Variants in FGFR2 observed in about 807,000 individuals in gnomAD.
The protein encoded by FGFR2 is BEK fibroblast growth factor receptor.
In FGFR2, 19 loss-of-function variants were observed where a neutral mutation model predicts 95.9. The observed-to-expected ratio is 0.20, with a 90% CI of 0.14 to 0.29. The LOEUF is 0.29. Ranked by LOEUF, FGFR2 falls within the 10% of genes least tolerant of loss-of-function variation. FGFR2 has a pLI of 1.00. For synonymous variants in FGFR2, 392 were observed against 393.3 expected (o/e 1.00, Z 0.04); for missense variants, 707 against 1,056.9 (o/e 0.67, Z 4.59).
chr10:121,507,566 C>T lies in FGFR2; in HGVS notation c.1288-3625G>A, dbSNP rs764083151. Among the ~76,000 whole-genome samples, 8 of 151,740 alleles carry T rather than the reference C, an allele frequency of 5.3e-5. No homozygotes were observed. The East Asian group carries it at 5.8e-4, about 11-fold the overall frequency. ...TGGTGCCACTGCACTGCAGTCTGGGCGACAGAGCAAGACTCCATCTCAAAA... is the reference window on the plus strand; with the variant it reads ...TGGTGCCACTGCACTGCAGTCTGGGTGACAGAGCAAGACTCCATCTCAAAA... On this transcript the variant is annotated intron_variant, in intron 9 of 17. Transcript: ENST00000358487.
At chr10:121,575,235 T>A (rs1378038341) in intron 2 of FGFR2, among the ~76,000 whole-genome samples, 6 of 152,176 alleles carry the variant, frequency 3.9e-5, no homozygotes, top group Non-Finnish European at 7.4e-5. Flanking sequence ...AAAATAAAAA[T>A]GCACACAGAG....
At chr10:121,554,448 C>T (rs1855834105) in intron 4 of FGFR2, among the ~76,000 whole-genome samples, 1 of 151,494 alleles carries the variant, frequency 6.6e-6, no homozygotes, top group Non-Finnish European at 1.5e-5. Flanking sequence ...ACGCCATTCT[C>T]CTGCCTCAGC....
intron 6 of FGFR2, among the ~76,000 whole-genome samples, chr10:121,535,406 C>A (rs1475303008): frequency 6.6e-6 from 1 of 152,192 alleles, no homozygotes; most frequent in Admixed American, 6.5e-5. Flanking sequence ...CTAGGGGCCC[C>A]AGGTATGGCC....
At chr10:121,553,885 G>A (rs1026689427) in intron 4 of FGFR2, among the ~76,000 whole-genome samples, 1 of 152,232 alleles carries the variant, frequency 6.6e-6, no homozygotes, top group Non-Finnish European at 1.5e-5. Context: ...CCATGGGTGA[G>A]TCTGTAACAG....
chr10:121,507,046 G>A (rs570934664), intron 9 of FGFR2, among the ~76,000 whole-genome samples: 1 of 152,328 alleles, frequency 6.6e-6, no homozygotes, highest in Non-Finnish European at 1.5e-5. Flanking sequence ...TCTGCTACCA[G>A]GCTAGGTTTT....
At chr10:121,577,178 T>TATATATATATATATAAAGAGAGAGAG in intron 2 of FGFR2, among the ~76,000 whole-genome samples, 1 of 5,214 alleles carries the variant, frequency 1.9e-4, no homozygotes, top group African/African-American at 7.8e-4. Context: ...TATATATATA[T>TATATATATATATATAAAGAGAGAGAG]AGAGAGAGAG....
chr10:121,529,831 C>T (rs567558708), intron 6 of FGFR2, among the ~76,000 whole-genome samples: 1 of 152,336 alleles, frequency 6.6e-6, no homozygotes, highest in South Asian at 2.1e-4. Context: ...GTCACCCTCT[C>T]GACCACATAA....
At chr10:121,576,885 A>AG (rs1371734527) in intron 2 of FGFR2, among the ~76,000 whole-genome samples, 1 of 151,832 alleles carries the variant, frequency 6.6e-6, no homozygotes, top group Admixed American at 6.6e-5. Context: ...CTGTAATCCC[A>AG]GAACTTTGGG....
intron 4 of FGFR2, among the ~76,000 whole-genome samples, chr10:121,560,615 CAA>C (rs34753296): frequency 4.6e-4 from 24 of 51,812 alleles, no homozygotes; most frequent in African/African-American, 1.2e-3. Flanking sequence ...ACTCCGTCCC[CAA>C]AAAAAAAAAA....
chr10:121,597,346 A>C (rs1863590606), intron 1 of FGFR2, among the ~76,000 whole-genome samples: 1 of 152,182 alleles, frequency 6.6e-6, no homozygotes, highest in Admixed American at 6.5e-5. Context: ...AAGTCGGTCC[A>C]GTTCGCCCCC....
chr10:121,500,682 T>C, intron 11 of FGFR2, 144 bp downstream of exon 11: 1 of 1,165,790 alleles, frequency 8.6e-7, no homozygotes, highest in Non-Finnish European at 1.3e-6. Context: ...GAGATGCTGA[T>C]TTATACCGAA....
chr10:121,507,259 T>A (rs1423878506), intron 9 of FGFR2, among the ~76,000 whole-genome samples: 16 of 152,322 alleles, frequency 1.1e-4, no homozygotes, highest in Admixed American at 3.9e-4. Context: ...GGAAATCACT[T>A]AACCTTTCTA....
chr10:121,501,778 G>A (rs3135781), intron 10 of FGFR2, among the ~76,000 whole-genome samples: 3,088 of 152,160 alleles, frequency 0.02, 54 homozygotes, highest in Non-Finnish European at 0.031. Flanking sequence ...AAAGACTAAG[G>A]GCAGCATGTG....
chr10:121,491,288 G>A (rs1209187147), intron 13 of FGFR2, among the ~76,000 whole-genome samples: 2 of 152,098 alleles, frequency 1.3e-5, no homozygotes, highest in African/African-American at 2.4e-5. Flanking sequence ...ACCCACACCC[G>A]AGAAAAAGAA....
chr10:121,568,877 T>C (rs1858109564), intron 2 of FGFR2, among the ~76,000 whole-genome samples: 1 of 152,144 alleles, frequency 6.6e-6, no homozygotes, highest in Non-Finnish European at 1.5e-5. Flanking sequence ...TGTGTCTTAT[T>C]TGGAGCTGGA....
At chr10:121,482,203 A>T in intron 17 of FGFR2, 1 of 1,610,100 alleles carries the variant, frequency 6.2e-7, no homozygotes, top group Non-Finnish European at 8.5e-7. Context: ...CAGGGATATC[A>T]GTAGATTCCA....
chr10:121,573,904 G>A (rs1564718624), intron 2 of FGFR2, among the ~76,000 whole-genome samples: 2 of 152,146 alleles, frequency 1.3e-5, no homozygotes, highest in African/African-American at 4.8e-5. Context: ...CTGTAGGGCT[G>A]TAGGGCTGCC....
chr10:121,591,695 CA>C (rs1436475970), intron 2 of FGFR2, among the ~76,000 whole-genome samples: 2 of 152,116 alleles, frequency 1.3e-5, no homozygotes, highest in African/African-American at 2.4e-5. Flanking sequence ...ATTCTGGATG[CA>C]AATGAACTCA....
At position 121,593,767 on chromosome 10, in the gene FGFR2, G is replaced by T. The variant is rs2135484531; in HGVS notation, c.51C>A (p.Thr17=). 1 of 1,614,222 alleles carries T rather than the reference G, an allele frequency of 6.2e-7. No individual in the cohort carries two copies. The change falls in exon 2 of 18, where the codon ACC becomes ACA. Residue 17 remains threonine, a synonymous_variant. Transcript: ENST00000358487. The part of the protein sequence containing the change: ...FICLVVVTMA[T]LSLARPSFSL... ...TGAAGGAGGGCCGGGCCAGGGACAA[G>T]GTTGCCATGGTGACCACGACCAGGC...
Sources: gnomAD v4.1 joint callset for allele counts (sites outside exome capture counted in the v4.1 genomes callset) on GRCh38, gnomAD v4.1.1 for gene constraint, MANE v1.5 for transcripts, NCBI Gene and HGNC (gene_info 2026-07-23, HGNC 2026-07-21) for gene names.